The following LDAH variants were observed in gnomAD, a reference collection of about 807,000 sequenced individuals.
The protein encoded by LDAH is lipid droplet-associated hydrolase.
LDAH carries 26 observed loss-of-function variants against 29.6 expected under a neutral mutation model. The observed-to-expected ratio is 0.88, with a 90% CI of 0.64 to 1.22. LDAH has a LOEUF of 1.22. Among genes scored for constraint, LDAH ranks in the 50% most tolerant of loss-of-function variants. The pLI is 0.00. For synonymous variants in LDAH, 117 were observed against 133.0 expected (o/e 0.88, Z 0.83); for missense variants, 344 against 387.3 (o/e 0.89, Z 0.94).
intron 4 of LDAH, among the ~76,000 whole-genome samples, chr2:20,760,228 G>A (rs1002763590): frequency 3.9e-5 from 6 of 152,100 alleles, no homozygotes; most frequent in Non-Finnish European, 8.8e-5. Context: ...AAGTGACAGG[G>A]GAAAAGGCTA....
At chr2:20,801,532 T>A in intron 1 of LDAH, 67 bp from the exon 2 acceptor site, 1 of 1,413,788 alleles carries the variant, frequency 7.1e-7, no homozygotes, top group Admixed American at 1.9e-5. Context: ...AAAGACAAAA[T>A]TCAAGAATAA....
intron 4 of LDAH, among the ~76,000 whole-genome samples, chr2:20,767,343 C>T (rs946741038): frequency 7.9e-5 from 12 of 152,216 alleles, no homozygotes; most frequent in African/African-American, 2.9e-4. Context: ...ACTCCATGAC[C>T]TCTCCCTGCT....
At chr2:20,755,272 AG>A (rs145987023) in intron 4 of LDAH, among the ~76,000 whole-genome samples, 5,098 of 152,070 alleles carry the variant, frequency 0.034, 181 homozygotes, top group East Asian at 0.13. Flanking sequence ...CTCTTCTCTA[AG>A]TTTGAAATTA....
At chr2:20,822,207 C>T (rs753249885) in intron 1 of LDAH, among the ~76,000 whole-genome samples, 1 of 151,886 alleles carries the variant, frequency 6.6e-6, no homozygotes, top group Non-Finnish European at 1.5e-5. Context: ...TCACTGCAAG[C>T]TCCACCTCCC....
chr2:20,697,220 T>C (rs1215553778), intron 6 of LDAH, among the ~76,000 whole-genome samples: 1 of 152,194 alleles, frequency 6.6e-6, no homozygotes, highest in Admixed American at 6.5e-5. Flanking sequence ...ATATTCCCTG[T>C]CTTATTACCA....
In LDAH at chr2:20,746,780, T is replaced by A. The variant is rs556282706; in HGVS notation, c.469-6575A>T. Among the ~76,000 whole-genome samples, 3 of 152,238 alleles carry A rather than the reference T, an allele frequency of 2.0e-5. No homozygotes were observed. The South Asian group carries it at 6.2e-4, about 32-fold the overall frequency. On this transcript the variant is annotated intron_variant, in intron 4 of 6. Coordinates refer to ENST00000237822, the MANE Select transcript of LDAH (RefSeq NM_021925.4). ...CTGTGTACACGACCAAACATTTTCT[T>A]ATGTTACTATCTCATTAAAAAAAGA... is the stretch of plus-strand genomic sequence containing the variant.
chr2:20,809,893 A>C (rs1672356457), intron 1 of LDAH, among the ~76,000 whole-genome samples: 1 of 152,256 alleles, frequency 6.6e-6, no homozygotes, highest in Non-Finnish European at 1.5e-5. Context: ...AAAAATTAGA[A>C]AACCAGAAAT....
chr2:20,740,044 G>A lies in LDAH; in HGVS notation c.630C>T (p.Ile210=), dbSNP rs1667064890. 3 of 1,613,996 alleles carry A rather than the reference G, an allele frequency of 1.9e-6. No individual in the cohort carries two copies. Among genetic ancestry groups the A allele is most frequent in the Non-Finnish European group, 2.5e-6 (3 of 1,179,992 alleles). The part of the protein sequence containing the change: ...PCPETIKSLL[I]RRGLQVMNLE... Reference sequence around the variant, plus strand: ...GGTTCATTACTTGAAGGCCCCTTCTGATTAGCAAGGACTTGATTGTCTCAG... The same window carrying A: ...GGTTCATTACTTGAAGGCCCCTTCTAATTAGCAAGGACTTGATTGTCTCAG... The change falls in exon 5 of 7, where the codon ATC becomes ATT. Residue 210 remains isoleucine (I), a synonymous_variant. Transcript: ENST00000237822.
intron 5 of LDAH, among the ~76,000 whole-genome samples, chr2:20,727,108 C>T (rs886917999): frequency 5.9e-5 from 9 of 152,156 alleles, no homozygotes; most frequent in African/African-American, 1.7e-4. Context: ...CCGGGCATGA[C>T]GGCTCACACC....
At chr2:20,693,744 G>C (rs1341407384) in intron 6 of LDAH, among the ~76,000 whole-genome samples, 2 of 152,274 alleles carry the variant, frequency 1.3e-5, no homozygotes, top group African/African-American at 4.8e-5. Context: ...TTCCTGGTGA[G>C]CTCACAGGGT....
chr2:20,688,491 C>A (rs1416397511), intron 6 of LDAH, among the ~76,000 whole-genome samples: 1 of 152,240 alleles, frequency 6.6e-6, no homozygotes, highest in East Asian at 1.9e-4. Context: ...ATGCTGAGGT[C>A]CCTATGTCAG....
chr2:20,752,574 A>G (rs749154586), intron 4 of LDAH, among the ~76,000 whole-genome samples: 38 of 152,320 alleles, frequency 2.5e-4, no homozygotes, highest in Middle Eastern at 3.4e-3. Flanking sequence ...AGGCCAAATC[A>G]GTATCACTGA....
At position 20,815,193 on chromosome 2, in the gene LDAH, G is replaced by C. The variant is rs75803846; in HGVS notation, c.-3+7844C>G. On this transcript the variant is annotated intron_variant, in intron 1 of 6. Transcript: ENST00000237822. ...GCTCAATAGTGGAGTGGAATTGACA[G>C]AGAACAGGATCAGTGAACTTGAAAA... Among the ~76,000 whole-genome samples, 169 of 152,202 alleles carry C rather than the reference G, an allele frequency of 1.1e-3. 5 individuals carry two copies. In the East Asian group the frequency reaches 0.031, roughly 27 times the overall value.
chr2:20,762,960 T>G (rs1239210668), intron 4 of LDAH, among the ~76,000 whole-genome samples: 1 of 152,206 alleles, frequency 6.6e-6, no homozygotes, highest in Non-Finnish European at 1.5e-5. Context: ...AGCGTCAGAT[T>G]GAGAACTTAC....
At chr2:20,736,498 G>T (rs998222221) in intron 5 of LDAH, among the ~76,000 whole-genome samples, 2 of 151,994 alleles carry the variant, frequency 1.3e-5, no homozygotes, top group Non-Finnish European at 2.9e-5. Context: ...AGAATACACT[G>T]CTGCAAAATG....
chr2:20,721,803 G>C (rs1158422418), intron 5 of LDAH, among the ~76,000 whole-genome samples: 1 of 152,156 alleles, frequency 6.6e-6, no homozygotes, highest in East Asian at 1.9e-4. Context: ...ATATCCAAAA[G>C]AAAGGAAATC....
chr2:20,707,366 C>T (rs935405128), intron 5 of LDAH, among the ~76,000 whole-genome samples: 15 of 152,208 alleles, frequency 9.9e-5, no homozygotes, highest in Non-Finnish European at 7.3e-5. Context: ...GGTGCTTCCC[C>T]ATGAGGCCCT....
chr2:20,692,385 A>C (rs890610746), intron 6 of LDAH, among the ~76,000 whole-genome samples: 3 of 152,240 alleles, frequency 2.0e-5, no homozygotes, highest in African/African-American at 7.2e-5. Context: ...ATTTATAGTA[A>C]GAACAAAGAA....
chr2:20,768,783 A>T (rs1206603487), intron 4 of LDAH, among the ~76,000 whole-genome samples: 1 of 152,072 alleles, frequency 6.6e-6, no homozygotes, highest in South Asian at 2.1e-4. Context: ...TTTTCTCAAC[A>T]ATTTCCCTGG....
Sources: gnomAD v4.1 joint callset for allele counts (sites outside exome capture counted in the v4.1 genomes callset) on GRCh38, gnomAD v4.1.1 for gene constraint, MANE v1.5 for transcripts, NCBI Gene and HGNC (gene_info 2026-07-23, HGNC 2026-07-21) for gene names.